Variants in GAPVD1 observed in about 807,000 individuals in gnomAD.
GAPVD1 encodes the protein GTPase activating protein and VPS9 domains 1, also known as GTPase-activating protein and VPS9 domain-containing protein 1.
In GAPVD1, 35 loss-of-function variants were observed where a neutral mutation model predicts 155.5. The ratio of observed to expected loss-of-function variants is 0.23; its 90% CI spans 0.17 to 0.30. GAPVD1 has a LOEUF of 0.30. Ranked by LOEUF, GAPVD1 falls within the 10% of genes least tolerant of loss-of-function variation. The pLI, the probability that GAPVD1 is intolerant of heterozygous loss-of-function variation, is 1.00. For synonymous variants in GAPVD1, 636 were observed against 619.7 expected (o/e 1.03, Z -0.39); for missense variants, 1,429 against 1,775.7 (o/e 0.80, Z 3.51).
At chr9:125,362,137 G>GA (rs1564482849) in intron 27 of GAPVD1, among the ~76,000 whole-genome samples, 1 of 152,108 alleles carries the variant, frequency 6.6e-6, no homozygotes, top group Non-Finnish European at 1.5e-5. Context: ...CTCACCACAT[G>GA]AAAAAGGTAA....
intron 9 of GAPVD1, among the ~76,000 whole-genome samples, chr9:125,320,159 A>AG (rs1489298868): frequency 1.3e-5 from 2 of 152,096 alleles, no homozygotes; most frequent in African/African-American, 4.8e-5. Flanking sequence ...TTTGTAAGTG[A>AG]GGGTACTATT....
Position 125,277,928 on chromosome 9 carries a change from G to A in GAPVD1, c.-150+8944G>A, listed in dbSNP as rs141442136. 2.8e-3 allele frequency among the ~76,000 whole-genome samples: 422 copies of A among 152,048 alleles called. 1 individual carries two copies. Among genetic ancestry groups the A allele is most frequent in the African/African-American group, 9.4e-3 (391 of 41,496 alleles). Reference sequence around the variant, plus strand: ...AGTGATCCTCCTGCCTCAGCCTCCCGAAGTGTTGGGATTATAAGCGTGAGC... The same window carrying A: ...AGTGATCCTCCTGCCTCAGCCTCCCAAAGTGTTGGGATTATAAGCGTGAGC... On this transcript the variant is annotated intron_variant, in intron 2 of 27. Transcript: ENST00000297933.
chr9:125,288,158 C>T (rs967201001), intron 2 of GAPVD1, among the ~76,000 whole-genome samples: 1 of 149,966 alleles, frequency 6.7e-6, no homozygotes, highest in Non-Finnish European at 1.5e-5. Context: ...GTCGCCCAGG[C>T]TGGAGTGCAG....
intron 19 of GAPVD1, among the ~76,000 whole-genome samples, chr9:125,345,094 G>T (rs900908820): frequency 1.3e-5 from 2 of 152,044 alleles, no homozygotes; most frequent in African/African-American, 4.8e-5. Flanking sequence ...TGTGGAAACT[G>T]TGTATGTGAA....
intron 2 of GAPVD1, among the ~76,000 whole-genome samples, chr9:125,274,386 T>C (rs1472582521): frequency 1.3e-5 from 2 of 151,790 alleles, no homozygotes; most frequent in African/African-American, 4.8e-5. Flanking sequence ...TTCTCACATA[T>C]GCATGCACTT....
At chr9:125,269,196 T>A (rs1334597738) in intron 2 of GAPVD1, 1 of 152,136 alleles carries the variant, frequency 6.6e-6, no homozygotes, top group Non-Finnish European at 1.5e-5. Flanking sequence ...CCTGAGTAGC[T>A]GGGAATACAG....
chr9:125,325,765 G>A (rs1023985614), intron 11 of GAPVD1, among the ~76,000 whole-genome samples: 4 of 152,148 alleles, frequency 2.6e-5, no homozygotes, highest in African/African-American at 9.7e-5. Context: ...TTTGTTGCAA[G>A]CAGCAGAGAA....
Position 125,362,856 on chromosome 9 carries a change from A to G in GAPVD1, c.*110A>G, listed in dbSNP as rs1851132746. 1.2e-6 allele frequency: 1 copy of G among 860,802 alleles called. No homozygotes were observed. The highest frequency in any genetic ancestry group is 1.7e-6 in the Non-Finnish European group (1 of 575,076). The allele number at this position is 860,802 out of a possible 1,614,324, so 53.3% of individuals were successfully genotyped here. A position where few individuals can be genotyped will look rare whatever the true frequency, so the allele number is the denominator to read the frequency against. On this transcript the variant is annotated 3_prime_UTR_variant, in exon 28 of 28. Transcript: ENST00000297933. ...AAGATTGTTTTGTATGATACTGCAC[A>G]GCATCAGGCATTTTAAAGCAGATCT...
At chr9:125,296,108 A>T (rs10986688) in intron 3 of GAPVD1, among the ~76,000 whole-genome samples, 3,025 of 152,186 alleles carry the variant, frequency 0.02, 116 homozygotes, top group East Asian at 0.088. Context: ...AGCTATATTT[A>T]AAAAAATTCT....
intron 2 of GAPVD1, among the ~76,000 whole-genome samples, chr9:125,270,250 GA>G (rs1240793398): frequency 6.6e-6 from 1 of 151,662 alleles, no homozygotes; most frequent in Non-Finnish European, 1.5e-5. Context: ...CCAACATGGA[GA>G]AACCCCGTCT....
intron 19 of GAPVD1, among the ~76,000 whole-genome samples, chr9:125,343,589 G>A (rs1406552191): frequency 6.6e-6 from 1 of 152,096 alleles, no homozygotes; most frequent in Non-Finnish European, 1.5e-5. Context: ...CAGAATAAAG[G>A]GTTTTGAACA....
chr9:125,274,487 G>A (rs1348383536), intron 2 of GAPVD1, among the ~76,000 whole-genome samples: 1 of 144,364 alleles, frequency 6.9e-6, no homozygotes, highest in Admixed American at 7.0e-5. Flanking sequence ...TTTTGAGTTG[G>A]AGTTTCACTC....
At chr9:125,278,847 C>A (rs938727793) in intron 2 of GAPVD1, among the ~76,000 whole-genome samples, 5 of 150,114 alleles carry the variant, frequency 3.3e-5, no homozygotes, top group South Asian at 2.1e-4. Flanking sequence ...AAAAAAAAAA[C>A]AACAAAACTC....
intron 6 of GAPVD1, 112 bp downstream of exon 6, chr9:125,305,261 C>G: frequency 1.4e-6 from 1 of 690,316 alleles, no homozygotes; most frequent in South Asian, 1.8e-5. Flanking sequence ...TTTTAATTAG[C>G]TACAGTATTG....
rs553699425 is a variant in GAPVD1, at chr9:125,323,067, A to AG, written c.1733-731_1733-730insG. ...GACTCTCTCTAAAAAAAAAAAAAAA[A>AG]AAGAAGAAAAAGCTCTATAACAAGC... is the stretch of plus-strand genomic sequence containing the variant. On this transcript the variant is annotated intron_variant, in intron 10 of 27. Coordinates refer to ENST00000297933, the MANE Select transcript of GAPVD1 (RefSeq NM_001282680.3). 1.5e-4 allele frequency among the ~76,000 whole-genome samples: 22 copies of AG among 151,390 alleles called. 1 individual carries two copies. In the South Asian group the frequency reaches 3.1e-3, roughly 22 times the overall value.
At chr9:125,336,692 G>A (rs1038623495) in intron 15 of GAPVD1, 2 of 232,800 alleles carry the variant, frequency 8.6e-6, no homozygotes, top group Non-Finnish European at 1.7e-5. Context: ...GCTCAGGGAA[G>A]CTGTGACATT....
intron 2 of GAPVD1, among the ~76,000 whole-genome samples, chr9:125,288,199 C>T (rs1297125629): frequency 2.6e-5 from 4 of 151,244 alleles, no homozygotes. Flanking sequence ...GCAACCTCCT[C>T]TTCCTGGGTT....
Position 125,350,382 on chromosome 9 carries a change from AC to A in GAPVD1, c.3389del (p.Pro1130GlnfsTer15). 1 of 1,607,196 alleles carries A rather than the reference AC, an allele frequency of 6.2e-7. No individual in the cohort carries two copies. Among genetic ancestry groups the A allele is most frequent in the Non-Finnish European group, 8.5e-7 (1 of 1,174,160 alleles). ...VLTHSTRNGL[P>X]DHTDPEDNEI... is the part of the protein sequence containing the mutation. Reference sequence around the variant, plus strand: ...TGACCCATTCAACAAGGAATGGTTTACCAGACCACACAGACCCAGAAGGTAA... The same window carrying A: ...TGACCCATTCAACAAGGAATGGTTTACAGACCACACAGACCCAGAAGGTAA... On this transcript the variant is annotated frameshift_variant, in exon 22 of 28. Transcript: ENST00000297933. LOFTEE classifies it high-confidence loss of function.
chr9:125,323,187 A>C (rs1742137094), intron 10 of GAPVD1, among the ~76,000 whole-genome samples: 1 of 151,442 alleles, frequency 6.6e-6, no homozygotes, highest in Admixed American at 6.6e-5. Flanking sequence ...GCTCACTGCA[A>C]CCTTTGCCTC....
Sources: gnomAD v4.1 joint callset for allele counts (sites outside exome capture counted in the v4.1 genomes callset) on GRCh38, gnomAD v4.1.1 for gene constraint, MANE v1.5 for transcripts, NCBI Gene and HGNC (gene_info 2026-07-23, HGNC 2026-07-21) for gene names.